MSI2: variants seen among roughly 807,000 people sequenced by gnomAD.
The protein encoded by MSI2 is musashi RNA binding protein 2.
MSI2 carries 17 observed loss-of-function variants against 45.6 expected under a neutral mutation model. That is an observed-to-expected ratio of 0.37 (90% CI 0.26 to 0.56). MSI2 has a LOEUF of 0.56. MSI2 is among the 20% of genes least tolerant of loss of function. MSI2 has a pLI of 0.77. For synonymous variants in MSI2, 156 were observed against 158.2 expected (o/e 0.99, Z 0.11); for missense variants, 293 against 444.2 (o/e 0.66, Z 3.06).
At chr17:57,436,273 A>G (rs190902215) in intron 6 of MSI2, among the ~76,000 whole-genome samples, 79 of 152,302 alleles carry the variant, frequency 5.2e-4, no homozygotes, top group Admixed American at 9.8e-4. Context: ...ACTACCTCAC[A>G]TGGGGGCAGT....
intron 6 of MSI2, among the ~76,000 whole-genome samples, chr17:57,447,700 A>T (rs2143518216): frequency 6.6e-6 from 1 of 152,180 alleles, no homozygotes; most frequent in African/African-American, 2.4e-5. Context: ...TCCCCTGAGG[A>T]GTGCACGACC....
At chr17:57,309,363 G>T (rs1382178041) in intron 5 of MSI2, among the ~76,000 whole-genome samples, 1 of 152,166 alleles carries the variant, frequency 6.6e-6, no homozygotes, top group Non-Finnish European at 1.5e-5. Flanking sequence ...GCTTTATTCT[G>T]AAATTGCTTT....
intron 5 of MSI2, among the ~76,000 whole-genome samples, chr17:57,303,565 G>A (rs754984981): frequency 1.3e-4 from 20 of 152,120 alleles, no homozygotes; most frequent in Non-Finnish European, 2.9e-4. Flanking sequence ...TTGTGTGGTG[G>A]GATAGTGGGT....
rs1413659681 is a variant in MSI2 at position 57,612,365 on chromosome 17, A to C, written c.538-3605A>C. 3.2e-5 allele frequency among the ~76,000 whole-genome samples: 3 copies of C among 94,668 alleles called. 1 individual carries two copies. The highest frequency in any genetic ancestry group is 7.6e-5 in the Non-Finnish European group (3 of 39,360). The allele number at this position is 94,668 out of a possible 152,430, so 62.1% of individuals were successfully genotyped here. On this transcript the variant is annotated intron_variant, in intron 8 of 13. Coordinates refer to ENST00000284073, the MANE Select transcript of MSI2 (RefSeq NM_138962.4). Reference sequence around the variant, plus strand: ...TCCTCCGCATCTGCGTCATTGAATTAAGTGGCTGAGTCTCGGGGGTGGAGG... The same window carrying C: ...TCCTCCGCATCTGCGTCATTGAATTCAGTGGCTGAGTCTCGGGGGTGGAGG...
chr17:57,384,099 C>T (rs2083644961), intron 5 of MSI2, among the ~76,000 whole-genome samples: 1 of 152,220 alleles, frequency 6.6e-6, no homozygotes, highest in Non-Finnish European at 1.5e-5. Flanking sequence ...TTGAAATGGC[C>T]TGACTTCTGT....
At position 57,495,218 on chromosome 17, in the gene MSI2, G is replaced by A. The variant is rs571262846; in HGVS notation, c.406-34458G>A. On this transcript the variant is annotated intron_variant, in intron 6 of 13. Transcript: ENST00000284073. ...GTCCAAACCGGGTCAAGAACCTGGG[G>A]ATCCTCACAGCTGCCTTTGAAAGCT... is the stretch of plus-strand genomic sequence containing the variant. 2.6e-5 allele frequency among the ~76,000 whole-genome samples: 4 copies of A among 152,262 alleles called. No homozygotes were observed. In the South Asian group the frequency reaches 8.3e-4, roughly 32 times the overall value.
intron 5 of MSI2, among the ~76,000 whole-genome samples, chr17:57,286,543 A>G (rs1255973155): frequency 6.6e-6 from 1 of 150,806 alleles, no homozygotes; most frequent in East Asian, 2.0e-4. Flanking sequence ...GAGGTAACCA[A>G]TAAAAGAGTT....
intron 9 of MSI2, among the ~76,000 whole-genome samples, chr17:57,623,762 T>C (rs1189756147): frequency 6.6e-6 from 1 of 152,206 alleles, no homozygotes; most frequent in Non-Finnish European, 1.5e-5. Context: ...ACGGGTCTGC[T>C]GTAATGTGCT....
chr17:57,314,357 A>G (rs1263160171), intron 5 of MSI2, among the ~76,000 whole-genome samples: 1 of 152,168 alleles, frequency 6.6e-6, no homozygotes, highest in African/African-American at 2.4e-5. Context: ...AACAGATGGT[A>G]GGAGTTTTTC....
At chr17:57,349,104 A>G (rs76767270) in intron 5 of MSI2, among the ~76,000 whole-genome samples, 1 of 152,074 alleles carries the variant, frequency 6.6e-6, no homozygotes. Flanking sequence ...GCCCTCCTCC[A>G]TGGTTCCTGG....
At chr17:57,651,955 C>A (rs1454337019) in intron 10 of MSI2, 144 bp from the exon 11 acceptor site, 3 of 697,780 alleles carry the variant, frequency 4.3e-6, no homozygotes, top group African/African-American at 3.5e-5. Flanking sequence ...ACTCTGTGTC[C>A]CTCTCAAAAG....
chr17:57,298,359 A>G (rs1471265815), intron 5 of MSI2, among the ~76,000 whole-genome samples: 9 of 152,162 alleles, frequency 5.9e-5, no homozygotes, highest in Non-Finnish European at 1.2e-4. Flanking sequence ...TTTTTTTCTC[A>G]GCAGTAGGTC....
At chr17:57,310,522 C>T (rs1393870284) in intron 5 of MSI2, among the ~76,000 whole-genome samples, 4 of 151,978 alleles carry the variant, frequency 2.6e-5, no homozygotes, top group African/African-American at 7.3e-5. Context: ...TTAGTAGAGA[C>T]GGGGTTTTAC....
chr17:57,263,697 T>C (rs533421826), intron 5 of MSI2: 1 of 152,340 alleles, frequency 6.6e-6, no homozygotes, highest in African/African-American at 2.4e-5. Context: ...CTTCCTTAAC[T>C]TTGTTTTTAA....
At chr17:57,660,886 C>T (rs60448052) in intron 11 of MSI2, among the ~76,000 whole-genome samples, 2,407 of 152,206 alleles carry the variant, frequency 0.016, 62 homozygotes, top group African/African-American at 0.054. Flanking sequence ...CTTGGTACTA[C>T]GCTAAGGAGA....
chr17:57,382,698 C>T (rs918147133), intron 5 of MSI2, among the ~76,000 whole-genome samples: 3 of 152,212 alleles, frequency 2.0e-5, no homozygotes, highest in Non-Finnish European at 2.9e-5. Context: ...CCTCCACCCA[C>T]GAGGACAGTG....
chr17:57,688,981 G>A (rs562720172), downstream of MSI2, among the ~76,000 whole-genome samples: 3 of 152,176 alleles, frequency 2.0e-5, no homozygotes, highest in Admixed American at 2.0e-4. Context: ...ATTACATCTC[G>A]ACTGGTGAAA....
At chr17:57,286,457 G>C (rs1024256543) in intron 5 of MSI2, among the ~76,000 whole-genome samples, 2 of 152,094 alleles carry the variant, frequency 1.3e-5, no homozygotes, top group Non-Finnish European at 2.9e-5. Context: ...TCGAGTCCTG[G>C]CTTCCCCCTC....
intron 9 of MSI2, among the ~76,000 whole-genome samples, chr17:57,619,817 C>A (rs1333354496): frequency 6.6e-6 from 1 of 152,208 alleles, no homozygotes; most frequent in African/African-American, 2.4e-5. Flanking sequence ...CTGCCCAGCT[C>A]TTCCCCCGTC....
Sources: allele counts gnomAD v4.1 joint callset (sites outside exome capture counted in the v4.1 genomes callset), GRCh38; gene constraint gnomAD v4.1.1; transcripts MANE v1.5; gene names NCBI Gene and HGNC (gene_info 2026-07-23, HGNC 2026-07-21).